Variants in PRDM4 observed in about 807,000 individuals in gnomAD.
PRDM4 encodes PR domain zinc finger protein 4.
A neutral mutation model predicts 62.3 loss-of-function variants in PRDM4; 38 were observed. That is an observed-to-expected ratio of 0.61 (90% CI 0.47 to 0.80). The LOEUF (loss-of-function observed/expected upper bound fraction) is 0.80. PRDM4 is among the 30% of genes least tolerant of loss of function. The pLI is 0.00. For missense variants in PRDM4, 858 were observed against 997.1 expected, an observed-to-expected ratio of 0.86 and a Z score of 1.88; for synonymous variants, 339 against 348.2, an observed-to-expected ratio of 0.97 and a Z score of 0.30.
chr12:107,747,908 G>A (rs1010032633), intron 5 of PRDM4, among the ~76,000 whole-genome samples: 4 of 151,990 alleles, frequency 2.6e-5, no homozygotes, highest in African/African-American at 7.2e-5. Flanking sequence ...GCACCACCAC[G>A]TCTGGCTGAT....
intron 3 of PRDM4, among the ~76,000 whole-genome samples, chr12:107,755,136 G>A (rs1033083639): frequency 6.6e-6 from 1 of 152,094 alleles, no homozygotes; most frequent in Non-Finnish European, 1.5e-5. Flanking sequence ...CCAGGTTGGA[G>A]CGTAGTAGCA....
chr12:107,734,597 C>T, intron 11 of PRDM4, 75 bp from the exon 12 acceptor site: 1 of 1,403,810 alleles, frequency 7.1e-7, no homozygotes. Flanking sequence ...TTCTTCATAG[C>T]CGCAGGCCTT....
At chr12:107,738,750 C>A (rs1038844033) in intron 11 of PRDM4, among the ~76,000 whole-genome samples, 1 of 152,196 alleles carries the variant, frequency 6.6e-6, no homozygotes, top group Non-Finnish European at 1.5e-5. Context: ...GGGTATGTCA[C>A]TATGACACTC....
At chr12:107,743,015 C>T (rs1434459976) in intron 8 of PRDM4, among the ~76,000 whole-genome samples, 182 bp downstream of exon 8, 1 of 152,186 alleles carries the variant, frequency 6.6e-6, no homozygotes, top group African/African-American at 2.4e-5. Context: ...GATTCTCCCA[C>T]CTCAGCCACC....
In PRDM4 at chr12:107,734,105, A is replaced by C. The variant is rs1890249887; in HGVS notation, c.*105T>G. ...CCAGTCTGTTTTGATTACTGGCTGAAAATAAATCAGGAACCATTTTATATA... is the reference window on the plus strand; with the variant it reads ...CCAGTCTGTTTTGATTACTGGCTGACAATAAATCAGGAACCATTTTATATA... On this transcript the variant is annotated 3_prime_UTR_variant, in exon 12 of 12. Coordinates refer to ENST00000228437, the MANE Select transcript of PRDM4 (RefSeq NM_012406.4). 3 of 1,229,352 alleles carry C rather than the reference A, an allele frequency of 2.4e-6. No homozygotes were observed. The Admixed American group carries it at 7.5e-5, about 31-fold the overall frequency. 76.2% of individuals were successfully genotyped at this position (1,229,352 alleles called of 1,614,324 possible).
intron 2 of PRDM4, among the ~76,000 whole-genome samples, chr12:107,757,455 C>A (rs1313541925): frequency 6.6e-6 from 1 of 152,098 alleles, no homozygotes; most frequent in African/African-American, 2.4e-5. Context: ...TGAAAAGCAT[C>A]GTATTTTCCC....
In PRDM4 at chr12:107,733,931, C is replaced by T; in HGVS notation, c.*279G>A. The stretch of plus-strand genomic sequence containing the variant: ...GGCAGCTTTGATTCAGGCATAAATG[C>T]ATCTCCCAGATTATCATGTAAATAA... On this transcript the variant is annotated 3_prime_UTR_variant, in exon 12 of 12. Transcript: ENST00000228437. 2 of 346,936 alleles carry T rather than the reference C, an allele frequency of 5.8e-6. No homozygotes were observed. Among genetic ancestry groups the T allele is most frequent in the Non-Finnish European group, 1.0e-5 (2 of 192,254 alleles). The allele number at this position is 346,936 out of a possible 1,614,324, so 21.5% of individuals were successfully genotyped here. A position where few individuals can be genotyped will look rare whatever the true frequency, so the allele number is the denominator to read the frequency against.
chr12:107,751,170 T>C (rs766781964), intron 5 of PRDM4, among the ~76,000 whole-genome samples: 9 of 152,204 alleles, frequency 5.9e-5, no homozygotes, highest in Admixed American at 3.3e-4. Flanking sequence ...AATACAAAAA[T>C]GACTACTTCA....
At chr12:107,742,651 C>A (rs548302740) in intron 8 of PRDM4, 1 of 319,714 alleles carries the variant, frequency 3.1e-6, no homozygotes, top group Non-Finnish European at 5.7e-6. Flanking sequence ...ATAGAGCTAG[C>A]TAGCTAAACA....
intron 5 of PRDM4, among the ~76,000 whole-genome samples, chr12:107,748,478 A>C (rs1890789395): frequency 6.6e-6 from 1 of 152,266 alleles, no homozygotes. Context: ...GTATATCCAT[A>C]TTACAGATTA....
At chr12:107,744,219 T>A (rs1890616502) in intron 7 of PRDM4, among the ~76,000 whole-genome samples, 1 of 152,208 alleles carries the variant, frequency 6.6e-6, no homozygotes, top group Non-Finnish European at 1.5e-5. Flanking sequence ...AAGTAAGACT[T>A]TTATCATACA....
chr12:107,744,790 T>C (rs1260296786), intron 6 of PRDM4, 129 bp from the exon 7 acceptor site: 1 of 1,296,802 alleles, frequency 7.7e-7, no homozygotes, highest in African/African-American at 1.5e-5. Context: ...CTGGGCGTGG[T>C]GGCTCACGCC....
At chr12:107,756,269 A>C in intron 3 of PRDM4, among the ~76,000 whole-genome samples, 1 of 152,130 alleles carries the variant, frequency 6.6e-6, no homozygotes. Flanking sequence ...CAAAAAAAAA[A>C]GGATAGGAAG....
intron 8 of PRDM4, 39 bp from the exon 9 acceptor site, chr12:107,742,387 T>A: frequency 1.2e-6 from 2 of 1,606,344 alleles, no homozygotes; most frequent in Non-Finnish European, 8.5e-7. Context: ...ACATTAATTT[T>A]GAAATGCATA....
intron 11 of PRDM4, among the ~76,000 whole-genome samples, chr12:107,735,485 T>G (rs1442491529): frequency 6.6e-6 from 1 of 152,130 alleles, no homozygotes; most frequent in African/African-American, 2.4e-5. Context: ...TTTCTTAGAC[T>G]AGTGGTTCTC....
Position 107,743,223 on chromosome 12 carries a change from A to G in PRDM4, c.1455T>C (p.Asn485=). The change falls in exon 8 of 12, where the codon AAT becomes AAC. Residue 485 remains asparagine, a synonymous_variant. Coordinates refer to ENST00000228437, the MANE Select transcript of PRDM4 (RefSeq NM_012406.4). ...CIITTDENEC[N]WMMFVRKARN... ...TGGCTTTGCGCACAAACATCATCCA[A>G]TTACATTCATTTTCATCAGTTGTAA... The G allele has an allele frequency of 1.2e-6, 2 of 1,613,242 alleles. No homozygotes were observed. The highest frequency in any genetic ancestry group is 2.2e-5 in the East Asian group (1 of 44,868).
At position 107,760,545 on chromosome 12, in the gene PRDM4, G is replaced by A; in HGVS notation, c.-30C>T. Reference sequence around the variant, plus strand: ...TTGGGGCCAAATATCAGAGAAAGGAGCGCTCGGGTGGTGGGGAACAGGCAT... The same window carrying A: ...TTGGGGCCAAATATCAGAGAAAGGAACGCTCGGGTGGTGGGGAACAGGCAT... On this transcript the variant is annotated 5_prime_UTR_variant, in exon 2 of 12. Transcript: ENST00000228437. 1 of 1,612,486 alleles carries A rather than the reference G, an allele frequency of 6.2e-7. No homozygotes were observed. Among genetic ancestry groups the A allele is most frequent in the South Asian group, 1.1e-5 (1 of 90,722 alleles).
intron 6 of PRDM4, among the ~76,000 whole-genome samples, chr12:107,745,319 CT>C (rs1021683770): frequency 6.6e-6 from 1 of 152,122 alleles, no homozygotes; most frequent in Non-Finnish European, 1.5e-5. Context: ...TGAGCCAACA[CT>C]TTGGGAGGCC....
At chr12:107,759,844 A>G (rs1891177324) in intron 2 of PRDM4, 1 of 152,266 alleles carries the variant, frequency 6.6e-6, no homozygotes, top group Non-Finnish European at 1.5e-5. Context: ...CATTTAGGGT[A>G]AAATAATTTC....
Sources: allele counts gnomAD v4.1 joint callset (sites outside exome capture counted in the v4.1 genomes callset), GRCh38; gene constraint gnomAD v4.1.1; transcripts MANE v1.5; gene names NCBI Gene and HGNC (gene_info 2026-07-23, HGNC 2026-07-21).